The following SHISA9 variants were observed in gnomAD, a reference collection of about 807,000 sequenced individuals.
SHISA9 encodes shisa family member 9.
In SHISA9, 13 loss-of-function variants were observed where a neutral mutation model predicts 38.0. The observed-to-expected ratio is 0.34, with a 90% CI of 0.22 to 0.54. The LOEUF is 0.54. Among genes scored for constraint, SHISA9 ranks in the 20% least tolerant of loss-of-function variants. The pLI, the probability that SHISA9 is intolerant of heterozygous loss-of-function variation, is 0.91. For missense variants in SHISA9, 538 were observed against 575.8 expected (o/e 0.93, Z 0.67); for synonymous variants, 275 against 242.0 (o/e 1.14, Z -1.27).
the SHISA9 span, among the ~76,000 whole-genome samples, chr16:13,399,304 CT>C: frequency 6.6e-6 from 1 of 152,056 alleles, no homozygotes; most frequent in Non-Finnish European, 1.5e-5. Context: ...GACCTGGGTC[CT>C]TCCTTCTAAG....
intron 2 of SHISA9, among the ~76,000 whole-genome samples, chr16:12,919,775 G>A (rs1279183746): frequency 1.3e-5 from 2 of 152,188 alleles, no homozygotes; most frequent in Non-Finnish European, 2.9e-5. Context: ...AGCGGATGCT[G>A]TTCATGTTCT....
chr16:13,150,379 G>C (rs1173906528), intron 2 of SHISA9, among the ~76,000 whole-genome samples: 2 of 152,130 alleles, frequency 1.3e-5, no homozygotes, highest in Non-Finnish European at 2.9e-5. Context: ...CCTCTGATCT[G>C]TCACTGCTCC....
At chr16:13,221,121 C>T (rs781600996) in intron 4 of SHISA9, among the ~76,000 whole-genome samples, 3 of 152,016 alleles carry the variant, frequency 2.0e-5, no homozygotes, top group Admixed American at 6.5e-5. Context: ...CGCCTTTTTC[C>T]GGTTTTCTCT....
chr16:13,173,377 T>TACACACACAC (rs34832916), intron 2 of SHISA9, among the ~76,000 whole-genome samples: 32 of 142,948 alleles, frequency 2.2e-4, no homozygotes, highest in African/African-American at 8.0e-4. Context: ...TGTGTGCATG[T>TACACACACAC]ACACACACAC....
At chr16:13,315,513 G>C in the SHISA9 span, among the ~76,000 whole-genome samples, 3 of 152,064 alleles carry the variant, frequency 2.0e-5, no homozygotes, top group African/African-American at 7.2e-5. Context: ...CTCAGGTTGG[G>C]GCTACAACAT....
chr16:13,057,070 G>T (rs1448197738), intron 2 of SHISA9, among the ~76,000 whole-genome samples: 2 of 152,214 alleles, frequency 1.3e-5, no homozygotes, highest in East Asian at 3.9e-4. Context: ...GGAAGCTAAA[G>T]GAATGGGCCT....
At chr16:13,394,363 C>A in the SHISA9 span, among the ~76,000 whole-genome samples, 1 of 152,234 alleles carries the variant, frequency 6.6e-6, no homozygotes, top group Non-Finnish European at 1.5e-5. Flanking sequence ...GCTGCCAAAG[C>A]TGACTGATGA....
At chr16:13,463,040 C>G in the SHISA9 span, among the ~76,000 whole-genome samples, 1 of 152,040 alleles carries the variant, frequency 6.6e-6, no homozygotes, top group African/African-American at 2.4e-5. Context: ...CCTGTGGTCC[C>G]AGCTACCAGG....
At chr16:13,070,058 G>T (rs2141921293) in intron 2 of SHISA9, among the ~76,000 whole-genome samples, 1 of 151,844 alleles carries the variant, frequency 6.6e-6, no homozygotes, top group Non-Finnish European at 1.5e-5. Flanking sequence ...GAAATTTGGG[G>T]GCTTCCATTT....
At chr16:13,108,085 G>A (rs976330324) in intron 2 of SHISA9, among the ~76,000 whole-genome samples, 1 of 152,044 alleles carries the variant, frequency 6.6e-6, no homozygotes, top group African/African-American at 2.4e-5. Context: ...AGGGAGTGGA[G>A]GGTAAGGTGT....
chr16:12,932,065 C>G (rs2071468771), intron 2 of SHISA9, among the ~76,000 whole-genome samples: 1 of 152,214 alleles, frequency 6.6e-6, no homozygotes, highest in African/African-American at 2.4e-5. Context: ...CACATGCTTT[C>G]TTGCCTGCCA....
At chr16:13,124,983 AC>A (rs2050243887) in intron 2 of SHISA9, among the ~76,000 whole-genome samples, 2 of 152,204 alleles carry the variant, frequency 1.3e-5, no homozygotes, top group Non-Finnish European at 2.9e-5. Flanking sequence ...TGGATTAAAG[AC>A]TTAGATCTAA....
intron 2 of SHISA9, among the ~76,000 whole-genome samples, chr16:12,970,467 GTGTATATA>G (rs1159486860): frequency 2.1e-4 from 5 of 23,628 alleles, no homozygotes; most frequent in Admixed American, 9.6e-4. Context: ...ATATATGTGT[GTGTATATA>G]TATATATATA....
the SHISA9 span, among the ~76,000 whole-genome samples, chr16:13,378,987 G>C: frequency 6.6e-6 from 1 of 152,290 alleles, no homozygotes; most frequent in East Asian, 1.9e-4. Context: ...TAAGAAAATA[G>C]ATGAATGGGT....
At chr16:13,021,449 A>G (rs1453061620) in intron 2 of SHISA9, among the ~76,000 whole-genome samples, 1 of 152,178 alleles carries the variant, frequency 6.6e-6, no homozygotes, top group African/African-American at 2.4e-5. Flanking sequence ...TCTCCCATGC[A>G]TGGGGACAGG....
the SHISA9 span, among the ~76,000 whole-genome samples, chr16:13,547,001 A>T: frequency 2.0e-5 from 3 of 152,106 alleles, no homozygotes; most frequent in Non-Finnish European, 4.4e-5. Flanking sequence ...GCCAACATTC[A>T]TCTCTTCTAT....
chr16:13,335,227 A>C, the SHISA9 span, among the ~76,000 whole-genome samples: 1 of 152,226 alleles, frequency 6.6e-6, no homozygotes, highest in Non-Finnish European at 1.5e-5. Flanking sequence ...GATGTGTCCC[A>C]TAAATAAGAA....
At chr16:13,373,588 C>G in the SHISA9 span, among the ~76,000 whole-genome samples, 2 of 152,034 alleles carry the variant, frequency 1.3e-5, no homozygotes, top group African/African-American at 4.8e-5. Context: ...TGGTGAAACT[C>G]CATCTCTACT....
At chr16:13,395,619 T>A in the SHISA9 span, among the ~76,000 whole-genome samples, 1 of 152,236 alleles carries the variant, frequency 6.6e-6, no homozygotes, top group Non-Finnish European at 1.5e-5. Flanking sequence ...TAAATGTATG[T>A]CTATTATACT....
Sources: gnomAD v4.1 joint callset for allele counts (sites outside exome capture counted in the v4.1 genomes callset) on GRCh38, gnomAD v4.1.1 for gene constraint, MANE v1.5 for transcripts, NCBI Gene and HGNC (gene_info 2026-07-23, HGNC 2026-07-21) for gene names.